XPO7: variants seen among roughly 807,000 people sequenced by gnomAD.
The protein encoded by XPO7 is exportin 7.
Under a neutral mutation model 144.3 loss-of-function variants are expected in XPO7, and 21 were observed. That is an observed-to-expected ratio of 0.15 (90% CI 0.10 to 0.21). The LOEUF is 0.21. XPO7 is among the 10% of genes least tolerant of loss of function. XPO7 has a pLI of 1.00. For synonymous variants in XPO7, 580 were observed against 499.6 expected (o/e 1.16, Z -2.15); for missense variants, 808 against 1,325.8 (o/e 0.61, Z 6.06).
chr8:21,960,212 A>G (rs896423223), intron 1 of XPO7, among the ~76,000 whole-genome samples: 1 of 152,204 alleles, frequency 6.6e-6, no homozygotes, highest in Admixed American at 6.5e-5. Flanking sequence ...AAAACCAGAT[A>G]GTGTGAAATA....
intron 1 of XPO7, among the ~76,000 whole-genome samples, chr8:21,955,815 G>A (rs980750223): frequency 7.3e-6 from 1 of 136,172 alleles, no homozygotes; most frequent in East Asian, 2.2e-4. Context: ...TGCAACCTCC[G>A]CTGCCTGGGT....
At chr8:21,972,221 C>T (rs956784615) in intron 5 of XPO7, among the ~76,000 whole-genome samples, 5 of 151,322 alleles carry the variant, frequency 3.3e-5, no homozygotes, top group South Asian at 4.2e-4. Context: ...GAGATAAAAG[C>T]GATCGCAGCA....
chr8:21,921,043 C>T (rs1378940259), intron 1 of XPO7, among the ~76,000 whole-genome samples: 2 of 152,072 alleles, frequency 1.3e-5, no homozygotes, highest in African/African-American at 4.8e-5. Flanking sequence ...AGAATTATAG[C>T]AAGAAACGTA....
rs1810786737 is a variant in XPO7, at chr8:21,935,315, GT to G, written c.18+15530del. On this transcript the variant is annotated intron_variant, in intron 1 of 27. Transcript: ENST00000252512. The stretch of plus-strand genomic sequence containing the variant: ...TGCTGGAACCAAAAGTCTCAACCAA[GT>G]TTACACAGAGTTTTCAAATGCATTA... Among the ~76,000 whole-genome samples the G allele has an allele frequency of 2.0e-5, 3 of 152,292 alleles. No individual in the cohort carries two copies. The South Asian group carries it at 6.2e-4, about 32-fold the overall frequency.
chr8:21,980,471 G>A (rs1563330674), intron 9 of XPO7, among the ~76,000 whole-genome samples: 3 of 152,080 alleles, frequency 2.0e-5, no homozygotes, highest in African/African-American at 4.8e-5. Context: ...TTCCCCCCAA[G>A]AAGTTAAGAC....
chr8:21,966,773 T>A (rs747059084), intron 1 of XPO7, 84 bp from the exon 2 acceptor site: 15 of 1,505,326 alleles, frequency 1.0e-5, no homozygotes, highest in African/African-American at 1.4e-5. Flanking sequence ...TGATTATTAT[T>A]TATCTTTGTT....
chr8:21,975,913 G>A (rs908753715), intron 6 of XPO7, among the ~76,000 whole-genome samples: 7 of 152,174 alleles, frequency 4.6e-5, no homozygotes, highest in Non-Finnish European at 1.0e-4. Context: ...GATTTTTGGT[G>A]ATGGTGGTTG....
chr8:21,991,089 C>A (rs541259732), intron 18 of XPO7, among the ~76,000 whole-genome samples, 170 bp downstream of exon 18: 1 of 152,164 alleles, frequency 6.6e-6, no homozygotes, highest in Non-Finnish European at 1.5e-5. Flanking sequence ...CTGTCGAGGT[C>A]CTTATAACTG....
intron 5 of XPO7, among the ~76,000 whole-genome samples, chr8:21,973,055 A>G (rs1277227036): frequency 6.6e-6 from 1 of 152,138 alleles, no homozygotes; most frequent in Non-Finnish European, 1.5e-5. Context: ...TGTTTATCCC[A>G]TTTTCTGGAT....
intron 7 of XPO7, 32 bp downstream of exon 7, chr8:21,976,553 C>G: frequency 6.3e-7 from 1 of 1,596,294 alleles, no homozygotes; most frequent in South Asian, 1.1e-5. Flanking sequence ...CAAAGGCTGT[C>G]TGTCACTCCC....
Position 21,977,751 on chromosome 8 carries a change from TTG to T in XPO7, c.764-17_764-16del. 2 of 1,613,130 alleles carry T rather than the reference TTG, an allele frequency of 1.2e-6. No individual in the cohort carries two copies. Among genetic ancestry groups the T allele is most frequent in the Non-Finnish European group, 1.7e-6 (2 of 1,179,314 alleles). ...TTCATACTTAATAAAGTGATGTCTTTTGTCTTTTTCTTCCCCAGCCTTCTTAG... is the reference window on the plus strand; with the variant it reads ...TTCATACTTAATAAAGTGATGTCTTTTCTTTTTCTTCCCCAGCCTTCTTAG... On this transcript the variant is annotated splice_polypyrimidine_tract_variant and intron_variant, in intron 7 of 27. Coordinates refer to ENST00000252512, the MANE Select transcript of XPO7 (RefSeq NM_015024.5).
chr8:21,933,646 T>G (rs1349389170), intron 1 of XPO7, among the ~76,000 whole-genome samples: 1 of 152,196 alleles, frequency 6.6e-6, no homozygotes, highest in Non-Finnish European at 1.5e-5. Context: ...GTGAGTCTAT[T>G]AAGAAAGCAT....
chr8:21,976,281 A>G lies in XPO7; in HGVS notation c.598-75A>G, dbSNP rs1485507829. The stretch of plus-strand genomic sequence containing the variant: ...TATAGCCCTCCTTTTCTGACTTAAC[A>G]GCTTTGTTGAGTCTGGGAGCAAGCT... On this transcript the variant is annotated intron_variant, in intron 6 of 27. Coordinates refer to ENST00000252512, the MANE Select transcript of XPO7 (RefSeq NM_015024.5). 6 of 1,528,370 alleles carry G rather than the reference A, an allele frequency of 3.9e-6. No homozygotes were observed. The African/African-American group carries it at 4.1e-5, about 10-fold the overall frequency. 94.7% of individuals were successfully genotyped at this position (1,528,370 alleles called of 1,614,324 possible).
chr8:21,953,556 A>G (rs1811440070), intron 1 of XPO7, among the ~76,000 whole-genome samples: 1 of 152,240 alleles, frequency 6.6e-6, no homozygotes, highest in African/African-American at 2.4e-5. Flanking sequence ...TTGCTGGATC[A>G]TATGGTAAGA....
intron 1 of XPO7, among the ~76,000 whole-genome samples, chr8:21,930,068 A>T (rs906730297): frequency 6.6e-6 from 1 of 152,210 alleles, no homozygotes; most frequent in African/African-American, 2.4e-5. Flanking sequence ...TAATGAGTGG[A>T]TGTTTTAGAG....
At chr8:21,924,684 A>G (rs1810403079) in intron 1 of XPO7, among the ~76,000 whole-genome samples, 1 of 152,198 alleles carries the variant, frequency 6.6e-6, no homozygotes, top group Non-Finnish European at 1.5e-5. Flanking sequence ...ATTTTAGGCC[A>G]TTCATGAACC....
Position 21,980,055 on chromosome 8 carries a change from G to A in XPO7, c.838-29G>A, listed in dbSNP as rs375096878. 895 of 1,537,598 alleles carry A rather than the reference G, an allele frequency of 5.8e-4. 1 individual carries two copies. Among genetic ancestry groups the A allele is most frequent in the Non-Finnish European group, 7.4e-4 (847 of 1,139,014 alleles). ...AAGTAACTGTACAGTCTTTTTAATC[G>A]TTGTGTTTGGGTTCTGCCCTGCATT... On this transcript the variant is annotated intron_variant, in intron 8 of 27. Coordinates refer to ENST00000252512, the MANE Select transcript of XPO7 (RefSeq NM_015024.5).
chr8:22,001,411 C>A (rs1813142517), intron 24 of XPO7, among the ~76,000 whole-genome samples: 1 of 152,140 alleles, frequency 6.6e-6, no homozygotes, highest in Non-Finnish European at 1.5e-5. Flanking sequence ...GGTTCAGCCC[C>A]TTTGTCCTTT....
chr8:21,927,315 A>T (rs539569147), intron 1 of XPO7, among the ~76,000 whole-genome samples: 1 of 152,182 alleles, frequency 6.6e-6, no homozygotes, highest in Non-Finnish European at 1.5e-5. Context: ...GTTGTAATGT[A>T]AAGGATTATT....
Sources: gnomAD v4.1 joint callset for allele counts (sites outside exome capture counted in the v4.1 genomes callset) on GRCh38, gnomAD v4.1.1 for gene constraint, MANE v1.5 for transcripts, NCBI Gene and HGNC (gene_info 2026-07-23, HGNC 2026-07-21) for gene names.